TENM2: variants seen among roughly 807,000 people sequenced by gnomAD.
TENM2 encodes the protein teneurin transmembrane protein 2.
In TENM2, 52 loss-of-function variants were observed where a neutral mutation model predicts 245.2. The ratio of observed to expected loss-of-function variants is 0.21; its 90% CI spans 0.17 to 0.27. TENM2 has a LOEUF of 0.27. Among genes scored for constraint, TENM2 ranks in the 10% least tolerant of loss-of-function variants. The pLI, the probability that TENM2 is intolerant of heterozygous loss-of-function variation, is 1.00. For missense variants in TENM2, 3,046 were observed against 3,666.8 expected (o/e 0.83, Z 4.37); for synonymous variants, 1,363 against 1,438.9 (o/e 0.95, Z 1.19).
intron 7 of TENM2, among the ~76,000 whole-genome samples, chr5:168,089,354 C>T (rs1444255487): frequency 6.6e-6 from 1 of 152,140 alleles, no homozygotes; most frequent in Non-Finnish European, 1.5e-5. Flanking sequence ...CATATCCTTC[C>T]TACAAACTAA....
At chr5:167,761,475 C>A (rs111476197) in intron 2 of TENM2, among the ~76,000 whole-genome samples, 189 of 152,120 alleles carry the variant, frequency 1.2e-3, no homozygotes, top group Non-Finnish European at 2.1e-3. Context: ...TTATATTTCT[C>A]CACATGGAGA....
intron 2 of TENM2, among the ~76,000 whole-genome samples, chr5:167,411,625 A>G (rs913434946): frequency 4.0e-5 from 6 of 149,412 alleles, no homozygotes; most frequent in African/African-American, 1.2e-4. Context: ...TGTGAGAGAG[A>G]GAGAGATAAT....
chr5:167,232,716 A>G, the TENM2 span, among the ~76,000 whole-genome samples: 2 of 151,928 alleles, frequency 1.3e-5, no homozygotes, highest in Admixed American at 6.6e-5. Flanking sequence ...GTATTTCTTC[A>G]CAGCGGTGTG....
the TENM2 span, among the ~76,000 whole-genome samples, chr5:167,118,387 A>C: frequency 5.4e-4 from 82 of 152,188 alleles, no homozygotes; most frequent in Non-Finnish European, 9.4e-4. Flanking sequence ...AAAGAATTCT[A>C]TAAAAAATGC....
chr5:166,987,906 G>T, the TENM2 span, among the ~76,000 whole-genome samples: 3 of 152,134 alleles, frequency 2.0e-5, no homozygotes, highest in Non-Finnish European at 4.4e-5. Context: ...TTCTCTAAAG[G>T]ATTGTATTTC....
intron 2 of TENM2, among the ~76,000 whole-genome samples, chr5:167,863,425 G>A (rs1772009445): frequency 6.6e-6 from 1 of 150,964 alleles, no homozygotes; most frequent in African/African-American, 2.4e-5. Context: ...GACCAGTCTG[G>A]CCAACATGGT....
At chr5:167,813,572 C>T (rs191219625) in intron 2 of TENM2, among the ~76,000 whole-genome samples, 2 of 152,200 alleles carry the variant, frequency 1.3e-5, no homozygotes, top group Admixed American at 1.3e-4. Context: ...CTCTATTCCG[C>T]ATACCATGCC....
intron 2 of TENM2, among the ~76,000 whole-genome samples, chr5:167,677,938 GT>G: frequency 6.6e-6 from 1 of 151,684 alleles, no homozygotes; most frequent in Admixed American, 6.6e-5. Flanking sequence ...TAGGCAATTG[GT>G]TAAATATTGA....
At chr5:167,666,369 C>A (rs1347049807) in intron 2 of TENM2, among the ~76,000 whole-genome samples, 3 of 152,146 alleles carry the variant, frequency 2.0e-5, no homozygotes, top group African/African-American at 2.4e-5. Context: ...TGTTTACTGG[C>A]AAAATTGGGA....
At chr5:167,450,023 GTGGATGGATGAATGCGTGGCTAGA>G (rs1468783418) in intron 2 of TENM2, among the ~76,000 whole-genome samples, 5 of 152,128 alleles carry the variant, frequency 3.3e-5, no homozygotes, top group Non-Finnish European at 7.3e-5. Context: ...CAGTTGGTGG[GTGGATGGATGAATGCGTGGCTAGA>G]TGGATGGATG....
chr5:168,116,453 C>A (rs1278010067), intron 9 of TENM2, among the ~76,000 whole-genome samples: 1 of 151,996 alleles, frequency 6.6e-6, no homozygotes. Context: ...CATGCACTTC[C>A]CCAGAAAAAG....
chr5:168,054,132 C>A (rs1278006043), intron 6 of TENM2, among the ~76,000 whole-genome samples: 4 of 152,144 alleles, frequency 2.6e-5, no homozygotes, highest in African/African-American at 9.7e-5. Flanking sequence ...TCTAAAGCAA[C>A]AAATTGAAAT....
intron 2 of TENM2, among the ~76,000 whole-genome samples, chr5:167,732,494 A>G (rs1381915671): frequency 1.3e-5 from 2 of 152,210 alleles, no homozygotes; most frequent in African/African-American, 4.8e-5. Flanking sequence ...GAAAACTTAA[A>G]AGATGATAAG....
chr5:167,385,343 AT>A (rs975679228), intron 2 of TENM2, among the ~76,000 whole-genome samples: 3 of 143,058 alleles, frequency 2.1e-5, no homozygotes, highest in African/African-American at 7.9e-5. Context: ...TTTATCTCTC[AT>A]TTTTTTAATC....
rs1297923262 is a variant in TENM2, at chr5:167,640,870, T to TCC, written c.503-235116_503-235115insCC. ...ATATATATATATATCCATATATATATATATATATATATATATATATATATA... is the reference window on the plus strand; with the variant it reads ...ATATATATATATATCCATATATATATCCATATATATATATATATATATATATA... On this transcript the variant is annotated intron_variant, in intron 2 of 28. Transcript: ENST00000518659. Among the ~76,000 whole-genome samples the TCC allele has an allele frequency of 9.4e-4, 38 of 40,394 alleles. 1 individual carries two copies. The highest frequency in any genetic ancestry group is 6.5e-3 in the African/African-American group (25 of 3,864). The allele number at this position is 40,394 out of a possible 152,430, so 26.5% of individuals were successfully genotyped here. A position where few individuals can be genotyped will look rare whatever the true frequency, so the allele number is the denominator to read the frequency against.
At chr5:167,861,090 C>A (rs1211309082) in intron 2 of TENM2, among the ~76,000 whole-genome samples, 3 of 151,632 alleles carry the variant, frequency 2.0e-5, no homozygotes, top group East Asian at 3.9e-4. Context: ...CAAAATAAAT[C>A]CTTTCTCATT....
At chr5:167,820,386 G>A (rs1241729028) in intron 2 of TENM2, among the ~76,000 whole-genome samples, 1 of 152,192 alleles carries the variant, frequency 6.6e-6, no homozygotes, top group African/African-American at 2.4e-5. Context: ...GCTGAGGAAT[G>A]CTGATGGAGA....
At chr5:168,203,749 C>A in exon 18 of TENM2, 1 of 1,613,266 alleles carries the variant, frequency 6.2e-7, no homozygotes, top group South Asian at 1.1e-5. Context: ...AAAAGGACAG[C>A]CCTCCTTCAG....
Position 168,126,973 on chromosome 5 carries a change from A to G in TENM2, c.2422+7A>G. The G allele has an allele frequency of 1.3e-6, 2 of 1,592,230 alleles. No individual in the cohort carries two copies. Among genetic ancestry groups the G allele is most frequent in the Non-Finnish European group, 1.7e-6 (2 of 1,169,406 alleles). On this transcript the variant is annotated splice_region_variant and intron_variant, in intron 12 of 28. Transcript: ENST00000518659. ...ACGGCAGGCACCGAAACAGGCACAT[A>G]TTGCTTTATTTTCATAAATTGTAGA...
Sources: allele counts gnomAD v4.1 joint callset (sites outside exome capture counted in the v4.1 genomes callset), GRCh38; gene constraint gnomAD v4.1.1; transcripts MANE v1.5; gene names NCBI Gene and HGNC (gene_info 2026-07-23, HGNC 2026-07-21).